The following TUSC3 variants were observed in gnomAD, a reference collection of about 807,000 sequenced individuals.
The protein encoded by TUSC3 is tumor suppressor candidate 3, also known as dolichyl-diphosphooligosaccharide--protein glycosyltransferase subunit TUSC3.
In TUSC3, 45 loss-of-function variants were observed where a neutral mutation model predicts 44.8. The ratio of observed to expected loss-of-function variants is 1.00; its 90% CI spans 0.79 to 1.29. The LOEUF (loss-of-function observed/expected upper bound fraction) is 1.29, where lower values mean the gene tolerates loss of function less well. Among genes scored for constraint, TUSC3 ranks in the 50% most tolerant of loss-of-function variants. The probability of loss-of-function intolerance (pLI) is 0.00; values close to 1 mark genes in which losing one functional copy is unlikely to be tolerated. For missense variants in TUSC3, 519 were observed against 437.9 expected (o/e 1.19, Z -1.65); for synonymous variants, 212 against 152.9 (o/e 1.39, Z -2.85).
At position 15,717,043 on chromosome 8, in the gene TUSC3, C is replaced by T. The variant is rs369187707; in HGVS notation, c.799-13623C>T. The stretch of plus-strand genomic sequence containing the variant: ...TTGAAACCAGTTCTCTTTTATGGTC[C>T]TCTGTAACTAATATCATTTTCCCTA... On this transcript the variant is annotated intron_variant, in intron 6 of 10. Coordinates refer to ENST00000503731, the MANE Select transcript of TUSC3 (RefSeq NM_006765.4). 3.2e-3 allele frequency among the ~76,000 whole-genome samples: 482 copies of T among 151,916 alleles called. 6 individuals are homozygous for T. Among genetic ancestry groups the T allele is most frequent in the African/African-American group, 0.011 (465 of 41,474 alleles).
At chr8:15,466,745 A>G (rs532151234) in intron 1 of TUSC3, among the ~76,000 whole-genome samples, 7 of 152,224 alleles carry the variant, frequency 4.6e-5, no homozygotes, top group Non-Finnish European at 7.4e-5. Flanking sequence ...TTTTGCTTTT[A>G]AAAATCAAGT....
chr8:15,481,480 C>G (rs1265705724), intron 1 of TUSC3, among the ~76,000 whole-genome samples: 1 of 152,038 alleles, frequency 6.6e-6, no homozygotes, highest in Admixed American at 6.6e-5. Flanking sequence ...GCCAGTTCCT[C>G]AATCTTGCAC....
chr8:15,583,553 C>G (rs1055636998), intron 1 of TUSC3, among the ~76,000 whole-genome samples: 6 of 152,140 alleles, frequency 3.9e-5, no homozygotes, highest in Admixed American at 6.5e-5. Flanking sequence ...GAGAGCAAAA[C>G]TAGATCCCGT....
the TUSC3 span, among the ~76,000 whole-genome samples, chr8:15,816,518 C>G: frequency 2.0e-5 from 3 of 152,102 alleles, no homozygotes; most frequent in Non-Finnish European, 4.4e-5. Flanking sequence ...TGACTGCCAG[C>G]AATGAGTAGT....
At chr8:15,742,064 A>G (rs144803512) in intron 7 of TUSC3, among the ~76,000 whole-genome samples, 1 of 152,234 alleles carries the variant, frequency 6.6e-6, no homozygotes. Flanking sequence ...TAAAGTCTAC[A>G]GACTACCATA....
chr8:15,528,421 A>AT (rs1801405145), intron 2 of TUSC3, among the ~76,000 whole-genome samples: 1 of 152,236 alleles, frequency 6.6e-6, no homozygotes, highest in Admixed American at 6.5e-5. Context: ...AAAGAGAATA[A>AT]TTGAAAGGAA....
intron 2 of TUSC3, among the ~76,000 whole-genome samples, chr8:15,633,655 A>C (rs186960496): frequency 1.5e-3 from 228 of 152,222 alleles, no homozygotes; most frequent in Non-Finnish European, 1.7e-3. Flanking sequence ...TTGATGGCAG[A>C]GGTGGGGAAA....
chr8:15,798,106 G>A, the TUSC3 span, among the ~76,000 whole-genome samples: 1,289 of 152,316 alleles, frequency 8.5e-3, 17 homozygotes, highest in African/African-American at 0.029. Flanking sequence ...TTCTCTACAT[G>A]TGGCTCTTCT....
intron 2 of TUSC3, among the ~76,000 whole-genome samples, chr8:15,640,841 A>C (rs1020782671): frequency 1.3e-5 from 2 of 152,130 alleles, no homozygotes; most frequent in Non-Finnish European, 2.9e-5. Flanking sequence ...AATGTCATGA[A>C]GGAAAAGCAC....
chr8:15,810,310 A>C, the TUSC3 span, among the ~76,000 whole-genome samples: 1 of 152,162 alleles, frequency 6.6e-6, no homozygotes, highest in African/African-American at 2.4e-5. Flanking sequence ...CCTCCTTGCC[A>C]ATTCACTATA....
At chr8:15,652,414 C>T (rs1270611511) in intron 3 of TUSC3, among the ~76,000 whole-genome samples, 2 of 152,008 alleles carry the variant, frequency 1.3e-5, no homozygotes, top group African/African-American at 2.4e-5. Flanking sequence ...CACTTATTTC[C>T]TCCAAATTTA....
chr8:15,801,319 G>C, the TUSC3 span, among the ~76,000 whole-genome samples: 3 of 152,116 alleles, frequency 2.0e-5, no homozygotes, highest in Admixed American at 6.6e-5. Flanking sequence ...ATTTTTGGGA[G>C]ATTAGTGGTA....
In TUSC3 at chr8:15,668,248, G is replaced by GT. The variant is rs573435239; in HGVS notation, c.709-5491dup. On this transcript the variant is annotated intron_variant, in intron 5 of 10. Transcript: ENST00000503731. Reference sequence around the variant, plus strand: ...TTTAAGGACATTTTAAGACATGGTTGTTTTTTTTCACTGTTACTTATAGCA... The same window carrying GT: ...TTTAAGGACATTTTAAGACATGGTTGTTTTTTTTTCACTGTTACTTATAGCA... Among the ~76,000 whole-genome samples the GT allele has an allele frequency of 3.1e-3, 465 of 151,400 alleles. 4 individuals carry two copies. The highest frequency in any genetic ancestry group is 0.01 in the African/African-American group (432 of 41,364).
At chr8:15,505,168 C>G (rs1005872169) in intron 2 of TUSC3, among the ~76,000 whole-genome samples, 1 of 152,192 alleles carries the variant, frequency 6.6e-6, no homozygotes, top group Non-Finnish European at 1.5e-5. Flanking sequence ...GGCTTTACTT[C>G]ATGACTGTTT....
At position 15,581,737 on chromosome 8, in the gene TUSC3, C is replaced by A. The variant is rs1438201231; in HGVS notation, c.138+41169C>A. Among the ~76,000 whole-genome samples, 3 of 132,470 alleles carry A rather than the reference C, an allele frequency of 2.3e-5. 1 individual carries two copies. Among genetic ancestry groups the A allele is most frequent in the Non-Finnish European group, 5.1e-5 (3 of 58,624 alleles). 86.9% of individuals were successfully genotyped at this position (132,470 alleles called of 152,430 possible). ...TCTCTTCAAAGCTGTCAGACAGGGACCCTTAAGTCTGCAGAGGTTACTGCT... is the reference window on the plus strand; with the variant it reads ...TCTCTTCAAAGCTGTCAGACAGGGAACCTTAAGTCTGCAGAGGTTACTGCT... On this transcript the variant is annotated intron_variant, in intron 1 of 10. Transcript: ENST00000503731.
chr8:15,543,068 T>C (rs562663633), intron 1 of TUSC3, among the ~76,000 whole-genome samples: 3 of 152,304 alleles, frequency 2.0e-5, no homozygotes, highest in African/African-American at 7.2e-5. Context: ...ACACGCTATA[T>C]TGGAAAGTGT....
chr8:15,457,675 G>A (rs1800275266), intron 1 of TUSC3, among the ~76,000 whole-genome samples: 1 of 148,438 alleles, frequency 6.7e-6, no homozygotes, highest in South Asian at 2.1e-4. Flanking sequence ...TATATAAACA[G>A]CATTGCATTC....
At chr8:15,805,384 G>A in the TUSC3 span, among the ~76,000 whole-genome samples, 1 of 152,108 alleles carries the variant, frequency 6.6e-6, no homozygotes, top group Non-Finnish European at 1.5e-5. Flanking sequence ...AAAAGTGGTT[G>A]AGAGTGGGCA....
intron 6 of TUSC3, among the ~76,000 whole-genome samples, chr8:15,681,559 C>CTTTT (rs71211069): frequency 6.9e-5 from 10 of 145,842 alleles, no homozygotes; most frequent in African/African-American, 7.5e-5. Flanking sequence ...GATCTTTTCT[C>CTTTT]TTTTTTTTTT....
Sources: gnomAD v4.1 joint callset for allele counts (sites outside exome capture counted in the v4.1 genomes callset) on GRCh38, gnomAD v4.1.1 for gene constraint, MANE v1.5 for transcripts, NCBI Gene and HGNC (gene_info 2026-07-23, HGNC 2026-07-21) for gene names.